CMTM6: variants seen among roughly 807,000 people sequenced by gnomAD.
CMTM6 encodes CKLF-like MARVEL transmembrane domain-containing protein 6.
A neutral mutation model predicts 13.6 loss-of-function variants in CMTM6; 5 were observed. The observed-to-expected ratio is 0.37, with a 90% CI of 0.19 to 0.77. The LOEUF (loss-of-function observed/expected upper bound fraction) is 0.77, where lower values mean the gene tolerates loss of function less well. Ranked by LOEUF, CMTM6 falls within the 30% of genes least tolerant of loss-of-function variation. The pLI, the probability that CMTM6 is intolerant of heterozygous loss-of-function variation, is 0.50. For missense variants in CMTM6, 196 were observed against 218.6 expected (o/e 0.90, Z 0.65); for synonymous variants, 99 against 84.5 (o/e 1.17, Z -0.94).
chr3:32,491,771 A>G lies in CMTM6; in HGVS notation c.254T>C (p.Ile85Thr), dbSNP rs749048199. The G allele has an allele frequency of 2.5e-6, 4 of 1,614,078 alleles. No individual in the cohort carries two copies. The highest frequency in any genetic ancestry group is 3.3e-5 in the Admixed American group (2 of 60,010). The part of the protein sequence containing the change: ...SCSAFLLSLL[I>T]LIVYCTPFYE... ...AAATGGAGTGCAATACACAATCAGTATAAGGAGACTCAGAAGAAAGGCACT... is the reference window on the plus strand; with the variant it reads ...AAATGGAGTGCAATACACAATCAGTGTAAGGAGACTCAGAAGAAAGGCACT... The change falls in exon 2 of 4, where the codon ATA (isoleucine) becomes ACA (threonine). Residue 85 changes from isoleucine to threonine, a missense_variant. Ile to Thr is a moderately conservative substitution (Grantham distance 89, BLOSUM62 -1). Around this residue, in one of 2 missense-constraint regions of CMTM6, gnomAD observed 111 missense variants for 160.0 expected, o/e 0.69. Transcript: ENST00000205636.
intron 1 of CMTM6, among the ~76,000 whole-genome samples, chr3:32,495,172 T>A (rs192282529): frequency 9.2e-5 from 14 of 152,236 alleles, no homozygotes; most frequent in Admixed American, 5.9e-4. Flanking sequence ...AAAGAATTTA[T>A]ATAAAAGAAA....
intron 1 of CMTM6, among the ~76,000 whole-genome samples, chr3:32,502,282 A>G (rs1387448735): frequency 6.6e-6 from 1 of 152,236 alleles, no homozygotes; most frequent in Non-Finnish European, 1.5e-5. Flanking sequence ...CAGCAGAGAG[A>G]AGAGAGGAAA....
At position 32,483,376 on chromosome 3, in the gene CMTM6, C is replaced by A. The variant is rs1282897167; in HGVS notation, c.*584G>T. 1 of 152,496 alleles carries A rather than the reference C, an allele frequency of 6.6e-6. No individual in the cohort carries two copies. The highest frequency in any genetic ancestry group is 6.6e-5 in the Admixed American group (1 of 15,246). The allele number at this position is 152,496 out of a possible 1,614,324, so 9.4% of individuals were successfully genotyped here. Reference sequence around the variant, plus strand: ...ACGAAGGTCTCAAAGAATTAATAACCGTTATCCAAAAATATTATAACATTT... The same window carrying A: ...ACGAAGGTCTCAAAGAATTAATAACAGTTATCCAAAAATATTATAACATTT... On this transcript the variant is annotated 3_prime_UTR_variant, in exon 4 of 4. Coordinates refer to ENST00000205636, the MANE Select transcript of CMTM6 (RefSeq NM_017801.3).
intron 1 of CMTM6, among the ~76,000 whole-genome samples, chr3:32,501,374 G>C (rs1006669083): frequency 6.6e-6 from 1 of 152,114 alleles, no homozygotes; most frequent in African/African-American, 2.4e-5. Flanking sequence ...TTATGCAAAG[G>C]AACAGTGGCA....
chr3:32,486,854 A>C (rs1243453626), intron 3 of CMTM6, among the ~76,000 whole-genome samples: 1 of 152,120 alleles, frequency 6.6e-6, no homozygotes, highest in East Asian at 1.9e-4. Context: ...TGCTTGTTTA[A>C]AAGTGTGTAG....
intron 2 of CMTM6, among the ~76,000 whole-genome samples, chr3:32,491,156 C>A (rs2125657317): frequency 6.6e-6 from 1 of 152,308 alleles, no homozygotes; most frequent in South Asian, 2.1e-4. Context: ...CAAACTAACA[C>A]AGGAACAAAT....
At chr3:32,494,007 T>G (rs1429616516) in intron 1 of CMTM6, among the ~76,000 whole-genome samples, 1 of 152,004 alleles carries the variant, frequency 6.6e-6, no homozygotes, top group African/African-American at 2.4e-5. Context: ...GATAGGGCAG[T>G]AGTGGATGAG....
At position 32,498,933 on chromosome 3, in the gene CMTM6, TA is replaced by T. The variant is rs369405132; in HGVS notation, c.138+3674del. Among the ~76,000 whole-genome samples, 676 of 152,228 alleles carry T rather than the reference TA, an allele frequency of 4.4e-3. 5 individuals are homozygous for T. The highest frequency in any genetic ancestry group is 0.015 in the African/African-American group (635 of 41,516). On this transcript the variant is annotated intron_variant, in intron 1 of 3. Transcript: ENST00000205636. ...GTGTTCCTTAAAACGGTCACTATAT[TA>T]AATACGAATTCTCCATTAATTTAAC...
chr3:32,484,347 G>A (rs1161017986), intron 3 of CMTM6, among the ~76,000 whole-genome samples: 1 of 152,120 alleles, frequency 6.6e-6, no homozygotes, highest in African/African-American at 2.4e-5. Flanking sequence ...CCTTATGTGT[G>A]CATGTTTATA....
chr3:32,483,301 G>C lies in CMTM6; in HGVS notation c.*659C>G, dbSNP rs1206764801. On this transcript the variant is annotated 3_prime_UTR_variant, in exon 4 of 4. Transcript: ENST00000205636. ...TAAACACGAAGTTGCTGATATTGTT[G>C]CTTTTATACACATAAAATACCAACA... 2.6e-5 allele frequency: 4 copies of C among 152,450 alleles called. No individual in the cohort carries two copies. The highest frequency in any genetic ancestry group is 9.7e-5 in the African/African-American group (4 of 41,380). 9.4% of individuals were successfully genotyped at this position (152,450 alleles called of 1,614,324 possible). A position where few individuals can be genotyped will look rare whatever the true frequency, so the allele number is the denominator to read the frequency against.
In CMTM6 at chr3:32,494,767, C is replaced by T. The variant is rs1171588470; in HGVS notation, c.139-2881G>A. On this transcript the variant is annotated intron_variant, in intron 1 of 3. Coordinates refer to ENST00000205636, the MANE Select transcript of CMTM6 (RefSeq NM_017801.3). Reference sequence around the variant, plus strand: ...AAAAAAATCCAATCTCAAAAGGTTACATATTGCATGATTCCATTCATAGCC... The same window carrying T: ...AAAAAAATCCAATCTCAAAAGGTTATATATTGCATGATTCCATTCATAGCC... Among the ~76,000 whole-genome samples, 3 of 152,082 alleles carry T rather than the reference C, an allele frequency of 2.0e-5. No homozygotes were observed. The East Asian group carries it at 5.8e-4, about 29-fold the overall frequency.
At chr3:32,497,122 G>C (rs534417082) in intron 1 of CMTM6, among the ~76,000 whole-genome samples, 1 of 152,128 alleles carries the variant, frequency 6.6e-6, no homozygotes, top group African/African-American at 2.4e-5. Context: ...GGTGGCTCAC[G>C]CCTGTAATCC....
At chr3:32,494,784 T>C (rs1697275967) in intron 1 of CMTM6, among the ~76,000 whole-genome samples, 1 of 152,174 alleles carries the variant, frequency 6.6e-6, no homozygotes, top group Admixed American at 6.5e-5. Context: ...CATGATTCCA[T>C]TCATAGCCCA....
At chr3:32,491,244 T>G (rs1336423966) in intron 2 of CMTM6, among the ~76,000 whole-genome samples, 2 of 152,246 alleles carry the variant, frequency 1.3e-5, no homozygotes, top group African/African-American at 4.8e-5. Context: ...TGTTGTTTTA[T>G]TTTCCCCAAT....
chr3:32,496,549 G>A (rs1001982431), intron 1 of CMTM6, among the ~76,000 whole-genome samples: 2 of 152,192 alleles, frequency 1.3e-5, no homozygotes, highest in Admixed American at 6.5e-5. Context: ...ACTGTTCTAC[G>A]TATAGGAAGA....
intron 1 of CMTM6, among the ~76,000 whole-genome samples, chr3:32,502,051 T>C (rs1183840699): frequency 1.3e-5 from 2 of 152,256 alleles, no homozygotes; most frequent in Admixed American, 1.3e-4. Flanking sequence ...TATTGCTCAA[T>C]TTTGAAATAA....
At chr3:32,502,393 G>A (rs1697352817) in intron 1 of CMTM6, among the ~76,000 whole-genome samples, 1 of 152,276 alleles carries the variant, frequency 6.6e-6, no homozygotes, top group Non-Finnish European at 1.5e-5. Flanking sequence ...CAGTTCGTGG[G>A]ATCCCGATGG....
intron 1 of CMTM6, among the ~76,000 whole-genome samples, chr3:32,499,961 G>A (rs766207667): frequency 2.0e-5 from 3 of 150,596 alleles, no homozygotes; most frequent in Non-Finnish European, 3.0e-5. Flanking sequence ...TTCAACCTCC[G>A]AAGACTCTAA....
chr3:32,497,437 T>G (rs1697304645), intron 1 of CMTM6, among the ~76,000 whole-genome samples: 1 of 146,750 alleles, frequency 6.8e-6, no homozygotes, highest in African/African-American at 2.5e-5. Context: ...CAAGTAAACA[T>G]ACTCCAAACT....
Sources: gnomAD v4.1 joint callset for allele counts (sites outside exome capture counted in the v4.1 genomes callset) on GRCh38, gnomAD v4.1.1 for gene constraint, gnomAD v4.1.1 regional missense constraint, MANE v1.5 for transcripts, NCBI Gene and HGNC (gene_info 2026-07-23, HGNC 2026-07-21) for gene names.